STAG1: variants seen among roughly 807,000 people sequenced by gnomAD.
STAG1 encodes the protein cohesin subunit SA-1.
A neutral mutation model predicts 170.9 loss-of-function variants in STAG1; 26 were observed. The ratio of observed to expected loss-of-function variants is 0.15; its 90% CI spans 0.11 to 0.21. The LOEUF (loss-of-function observed/expected upper bound fraction) is 0.21. Among genes scored for constraint, STAG1 ranks in the 10% least tolerant of loss-of-function variants. The pLI is 1.00. For synonymous variants in STAG1, 514 were observed against 497.7 expected (o/e 1.03, Z -0.44); for missense variants, 964 against 1,509.5 (o/e 0.64, Z 5.99).
chr3:136,420,245 A>C (rs1038969276), intron 20 of STAG1, among the ~76,000 whole-genome samples: 3 of 118,302 alleles, frequency 2.5e-5, no homozygotes, highest in African/African-American at 8.6e-5. Flanking sequence ...AGACTCTGTC[A>C]AAAAAAAAAA....
chr3:136,376,021 T>TAATTAAC (rs1553796082), intron 23 of STAG1, among the ~76,000 whole-genome samples: 142 of 144,164 alleles, frequency 9.8e-4, no homozygotes, highest in African/African-American at 3.4e-3. Flanking sequence ...ATTAACAAAA[T>TAATTAAC]AAAATAAAAT....
At chr3:136,646,332 G>A (rs759547363) in intron 1 of STAG1, among the ~76,000 whole-genome samples, 17 of 152,088 alleles carry the variant, frequency 1.1e-4, no homozygotes, top group Non-Finnish European at 1.9e-4. Context: ...GTATTTGTCC[G>A]TGGCTCCCTT....
intron 5 of STAG1, among the ~76,000 whole-genome samples, chr3:136,553,228 G>A (rs1206374395): frequency 4.6e-5 from 7 of 152,038 alleles, no homozygotes; most frequent in Non-Finnish European, 7.4e-5. Context: ...AAAAGAACTC[G>A]AATTTGGGGG....
chr3:136,515,585 T>A (rs984447765), intron 7 of STAG1, among the ~76,000 whole-genome samples: 9 of 152,204 alleles, frequency 5.9e-5, no homozygotes, highest in South Asian at 4.1e-4. Flanking sequence ...ACCAAGTTAA[T>A]AAATTCAAGA....
At chr3:136,676,927 A>G (rs1050352143) in intron 1 of STAG1, among the ~76,000 whole-genome samples, 3 of 152,116 alleles carry the variant, frequency 2.0e-5, no homozygotes, top group African/African-American at 4.8e-5. Context: ...CTAGACCTAC[A>G]CAGGGTCAGG....
At chr3:136,532,002 T>A (rs1935400197) in intron 6 of STAG1, among the ~76,000 whole-genome samples, 1 of 146,028 alleles carries the variant, frequency 6.8e-6, no homozygotes, top group African/African-American at 2.5e-5. Flanking sequence ...AAATGCAAAA[T>A]TAACAGCAGA....
chr3:136,360,862 G>C (rs1576388892), intron 26 of STAG1, among the ~76,000 whole-genome samples: 1 of 152,022 alleles, frequency 6.6e-6, no homozygotes, highest in South Asian at 2.1e-4. Flanking sequence ...TAGAGAGGGG[G>C]TTTCACCATG....
intron 7 of STAG1, among the ~76,000 whole-genome samples, chr3:136,517,094 T>C (rs1394889380): frequency 6.6e-6 from 1 of 152,206 alleles, no homozygotes; most frequent in Non-Finnish European, 1.5e-5. Context: ...TAATCAATAA[T>C]GAATCATATG....
rs547073176 is a variant in STAG1 at position 136,669,245 on chromosome 3, A to C, written c.-83-38264T>G. On this transcript the variant is annotated intron_variant, in intron 1 of 33. Transcript: ENST00000383202. ...TGCTTCTAACACACAAAAAACGCTG[A>C]AAAGATCAACACGGAAATGTTAACA... 5.3e-5 allele frequency among the ~76,000 whole-genome samples: 8 copies of C among 152,362 alleles called. No homozygotes were observed. The East Asian group carries it at 1.5e-3, about 29-fold the overall frequency.
At chr3:136,685,860 C>A in intron 1 of STAG1, among the ~76,000 whole-genome samples, 1 of 151,922 alleles carries the variant, frequency 6.6e-6, no homozygotes, top group African/African-American at 2.4e-5. Context: ...ATATATAAAA[C>A]CAGAAGTGCA....
intron 2 of STAG1, among the ~76,000 whole-genome samples, chr3:136,624,894 G>A (rs185822483): frequency 1.3e-5 from 2 of 152,202 alleles, no homozygotes; most frequent in East Asian, 3.9e-4. Flanking sequence ...ACAACTTCAA[G>A]AGCATAAATA....
chr3:136,541,092 A>C (rs1038450537), intron 6 of STAG1, among the ~76,000 whole-genome samples: 3 of 151,988 alleles, frequency 2.0e-5, no homozygotes, highest in African/African-American at 4.8e-5. Flanking sequence ...ACTTTCAAAA[A>C]TCCCAATACC....
intron 5 of STAG1, among the ~76,000 whole-genome samples, chr3:136,546,982 C>T (rs536372155): frequency 4.6e-5 from 7 of 152,210 alleles, no homozygotes; most frequent in Non-Finnish European, 7.4e-5. Flanking sequence ...TTGTCTGGTG[C>T]CACTAAGATT....
At chr3:136,689,731 T>C (rs962033140) in intron 1 of STAG1, among the ~76,000 whole-genome samples, 3 of 152,032 alleles carry the variant, frequency 2.0e-5, no homozygotes, top group Admixed American at 2.0e-4. Context: ...AGCAAGGTGG[T>C]TTCCTGTAGC....
At chr3:136,633,295 C>T (rs1032408500) in intron 1 of STAG1, among the ~76,000 whole-genome samples, 1 of 132,586 alleles carries the variant, frequency 7.5e-6, no homozygotes, top group African/African-American at 2.9e-5. Context: ...GAAAGAAAAA[C>T]CATCAAAAAA....
At chr3:136,525,718 C>G (rs1934977716) in intron 6 of STAG1, among the ~76,000 whole-genome samples, 2 of 152,198 alleles carry the variant, frequency 1.3e-5, no homozygotes, top group Non-Finnish European at 2.9e-5. Flanking sequence ...TTCCTGCTTT[C>G]TCTTGTGGGC....
intron 5 of STAG1, among the ~76,000 whole-genome samples, chr3:136,551,187 G>T (rs1370672233): frequency 7.4e-6 from 1 of 134,834 alleles, no homozygotes; most frequent in Non-Finnish European, 1.5e-5. Context: ...TTTTGAGAGA[G>T]AGAGAGAGGT....
intron 21 of STAG1, 163 bp downstream of exon 21, chr3:136,417,722 C>T (rs932626144): frequency 4.9e-6 from 3 of 607,264 alleles, no homozygotes; most frequent in Non-Finnish European, 8.7e-6. Context: ...CAGTATAATA[C>T]ACCTATCAAT....
chr3:136,645,127 G>A (rs182158816), intron 1 of STAG1, among the ~76,000 whole-genome samples: 158 of 152,270 alleles, frequency 1.0e-3, no homozygotes, highest in Non-Finnish European at 1.9e-3. Flanking sequence ...AGTTATCTGG[G>A]ACAATTGATA....
Sources: allele counts gnomAD v4.1 joint callset (sites outside exome capture counted in the v4.1 genomes callset), GRCh38; gene constraint gnomAD v4.1.1; transcripts MANE v1.5; gene names NCBI Gene and HGNC (gene_info 2026-07-23, HGNC 2026-07-21).